Variants in XRCC4 observed in about 807,000 individuals in gnomAD.
XRCC4 encodes X-ray repair cross complementing 4, also known as DNA repair protein XRCC4.
XRCC4 carries 28 observed loss-of-function variants against 39.1 expected under a neutral mutation model. That is an observed-to-expected ratio of 0.72 (90% CI 0.53 to 0.98). The LOEUF (loss-of-function observed/expected upper bound fraction) is 0.98, where lower values mean the gene tolerates loss of function less well. Ranked by LOEUF, XRCC4 falls within the 50% of genes least tolerant of loss-of-function variation. XRCC4 has a pLI of 0.00. For missense variants in XRCC4, 350 were observed against 376.4 expected, an observed-to-expected ratio of 0.93 and a Z score of 0.58; for synonymous variants, 123 against 126.4, an observed-to-expected ratio of 0.97 and a Z score of 0.18.
intron 3 of XRCC4, among the ~76,000 whole-genome samples, chr5:83,173,469 G>A (rs1749820140): frequency 1.3e-5 from 2 of 152,162 alleles, no homozygotes; most frequent in South Asian, 4.1e-4. Flanking sequence ...TGTTGCTTTA[G>A]GAAGTTGCTT....
chr5:83,279,273 G>A (rs1436045338), intron 7 of XRCC4, among the ~76,000 whole-genome samples: 1 of 151,656 alleles, frequency 6.6e-6, no homozygotes, highest in Non-Finnish European at 1.5e-5. Context: ...AGAGCAGCCA[G>A]AATACATAGG....
At chr5:83,285,069 G>T (rs946847013) in intron 7 of XRCC4, among the ~76,000 whole-genome samples, 1 of 152,090 alleles carries the variant, frequency 6.6e-6, no homozygotes, top group Non-Finnish European at 1.5e-5. Context: ...AGAACCTGGT[G>T]CTTGCCCAGG....
chr5:83,191,845 C>T (rs1339911081), intron 3 of XRCC4, among the ~76,000 whole-genome samples: 1 of 152,216 alleles, frequency 6.6e-6, no homozygotes, highest in African/African-American at 2.4e-5. Context: ...GTGCATTAAA[C>T]CCTTTTTCTT....
chr5:83,368,855 A>G, the XRCC4 span, among the ~76,000 whole-genome samples: 1 of 152,194 alleles, frequency 6.6e-6, no homozygotes, highest in Non-Finnish European at 1.5e-5. Flanking sequence ...GTGTTAGTGT[A>G]TAAGACATTA....
chr5:83,185,613 A>C (rs1750403840), intron 3 of XRCC4, among the ~76,000 whole-genome samples: 1 of 151,900 alleles, frequency 6.6e-6, no homozygotes, highest in Admixed American at 6.6e-5. Context: ...TAAGAGATGG[A>C]GTTTATAGTT....
At chr5:83,354,066 G>A (rs907963666), downstream of XRCC4, among the ~76,000 whole-genome samples, 15 of 152,072 alleles carry the variant, frequency 9.9e-5, no homozygotes, top group East Asian at 1.9e-4. Flanking sequence ...CATTCCTTCC[G>A]TGCTACTCAA....
chr5:83,190,597 C>T (rs73134609), intron 3 of XRCC4, among the ~76,000 whole-genome samples: 2,748 of 152,222 alleles, frequency 0.018, 79 homozygotes, highest in African/African-American at 0.063. Flanking sequence ...TATATTGAAA[C>T]TGAAACCCTT....
At chr5:83,101,640 G>T (rs1471268620) in intron 1 of XRCC4, among the ~76,000 whole-genome samples, 1 of 152,084 alleles carries the variant, frequency 6.6e-6, no homozygotes, top group African/African-American at 2.4e-5. Context: ...CCCACATAGT[G>T]TTGATGATTG....
intron 4 of XRCC4, among the ~76,000 whole-genome samples, chr5:83,198,752 A>G (rs1210163233): frequency 6.6e-6 from 1 of 152,180 alleles, no homozygotes; most frequent in Non-Finnish European, 1.5e-5. Context: ...TTTAATGCAT[A>G]GAATTTTAAC....
chr5:83,136,603 G>A (rs943764669), intron 3 of XRCC4, among the ~76,000 whole-genome samples: 2 of 152,236 alleles, frequency 1.3e-5, no homozygotes, highest in African/African-American at 4.8e-5. Context: ...CACTTAAGGT[G>A]AACCTCAGCC....
intron 2 of XRCC4, among the ~76,000 whole-genome samples, chr5:83,108,932 C>T (rs1746325240): frequency 6.7e-6 from 1 of 150,150 alleles, no homozygotes. Flanking sequence ...TTAAATGTGT[C>T]CACTTCCAAT....
intron 7 of XRCC4, among the ~76,000 whole-genome samples, chr5:83,263,523 G>T (rs1326420641): frequency 4.1e-4 from 62 of 150,494 alleles, no homozygotes; most frequent in African/African-American, 1.2e-3. Context: ...CCTGACTTTT[G>T]AATGATTGCC....
intron 6 of XRCC4, among the ~76,000 whole-genome samples, chr5:83,229,923 T>C (rs1296642764): frequency 6.6e-6 from 1 of 151,956 alleles, no homozygotes; most frequent in Non-Finnish European, 1.5e-5. Flanking sequence ...ATTTGATATA[T>C]TTTACTTTTT....
intron 7 of XRCC4, among the ~76,000 whole-genome samples, chr5:83,276,063 C>T (rs979902777): frequency 6.6e-6 from 1 of 152,104 alleles, no homozygotes; most frequent in Non-Finnish European, 1.5e-5. Context: ...GATTTTTTGA[C>T]TTTATGATGG....
chr5:83,333,958 CG>C (rs1554075474), intron 7 of XRCC4, among the ~76,000 whole-genome samples: 1 of 151,842 alleles, frequency 6.6e-6, no homozygotes, highest in Non-Finnish European at 1.5e-5. Flanking sequence ...TTAGTAGAGA[CG>C]GGGTTTCACC....
intron 7 of XRCC4, among the ~76,000 whole-genome samples, chr5:83,261,131 A>C (rs1177365951): frequency 6.6e-6 from 1 of 151,894 alleles, no homozygotes; most frequent in Non-Finnish European, 1.5e-5. Flanking sequence ...TTTAAATACT[A>C]GTTGTACTTT....
At chr5:83,159,977 A>T (rs995228673) in intron 3 of XRCC4, among the ~76,000 whole-genome samples, 5 of 152,136 alleles carry the variant, frequency 3.3e-5, no homozygotes, top group African/African-American at 1.2e-4. Flanking sequence ...TATGTTAGTG[A>T]ATGTTGTCAA....
At chr5:83,280,255 T>C in intron 7 of XRCC4, 1 of 343,188 alleles carries the variant, frequency 2.9e-6, no homozygotes, top group Non-Finnish European at 5.7e-6. Flanking sequence ...AATTTCTAAT[T>C]GTGTTTTACA....
the XRCC4 span, among the ~76,000 whole-genome samples, chr5:83,364,190 C>T: frequency 6.6e-6 from 1 of 151,926 alleles, no homozygotes; most frequent in African/African-American, 2.4e-5. Context: ...TCCTTTTTGC[C>T]CAAGAACAAA....
Sources: gnomAD v4.1 joint callset for allele counts (sites outside exome capture counted in the v4.1 genomes callset) on GRCh38, gnomAD v4.1.1 for gene constraint, MANE v1.5 for transcripts, NCBI Gene and HGNC (gene_info 2026-07-23, HGNC 2026-07-21) for gene names.